PCLO: variants seen among roughly 807,000 people sequenced by gnomAD.
PCLO encodes the protein protein piccolo.
PCLO carries 82 observed loss-of-function variants against 427.5 expected under a neutral mutation model. The ratio of observed to expected loss-of-function variants is 0.19; its 90% CI spans 0.16 to 0.23. The LOEUF is 0.23. PCLO is among the 10% of genes least tolerant of loss of function. The pLI is 1.00. For missense variants in PCLO, 6,239 were observed against 6,115.9 expected (o/e 1.02, Z -0.67); for synonymous variants, 2,357 against 2,155.4 (o/e 1.09, Z -2.59).
chr7:82,766,166 A>C (rs1304543644), intron 22 of PCLO, among the ~76,000 whole-genome samples: 2 of 152,116 alleles, frequency 1.3e-5, no homozygotes, highest in African/African-American at 4.8e-5. Flanking sequence ...TAGCCCTAGG[A>C]AAAAATCAAA....
chr7:82,987,362 G>A (rs1796279769), intron 3 of PCLO, among the ~76,000 whole-genome samples: 1 of 151,898 alleles, frequency 6.6e-6, no homozygotes, highest in Admixed American at 6.6e-5. Flanking sequence ...CATACATAAT[G>A]TTTACCAAAA....
intron 9 of PCLO, among the ~76,000 whole-genome samples, chr7:82,894,134 ATAAT>A (rs1442801073): frequency 6.6e-6 from 1 of 151,194 alleles, no homozygotes; most frequent in Non-Finnish European, 1.5e-5. Context: ...TGCCAAAATC[ATAAT>A]TAAATAGATT....
At chr7:82,938,576 C>T (rs868562287) in intron 6 of PCLO, among the ~76,000 whole-genome samples, 1 of 151,744 alleles carries the variant, frequency 6.6e-6, no homozygotes, top group African/African-American at 2.4e-5. Context: ...TGAAAAAAGG[C>T]CTGATGACCA....
intron 6 of PCLO, among the ~76,000 whole-genome samples, chr7:82,922,161 T>C (rs1794610732): frequency 6.6e-6 from 1 of 152,000 alleles, no homozygotes; most frequent in African/African-American, 2.4e-5. Context: ...GTTCAGCCAC[T>C]GTGGAAAGCA....
At chr7:82,833,972 T>C (rs73710010) in intron 16 of PCLO, among the ~76,000 whole-genome samples, 2,185 of 152,140 alleles carry the variant, frequency 0.014, 49 homozygotes, top group African/African-American at 0.05. Context: ...ACCTCACTTA[T>C]TGGCTTCCAC....
intron 3 of PCLO, among the ~76,000 whole-genome samples, chr7:82,999,022 A>C (rs1459765352): frequency 3.3e-5 from 5 of 151,136 alleles, no homozygotes; most frequent in Non-Finnish European, 5.9e-5. Flanking sequence ...GATAAAAAAA[A>C]CACTGTAACA....
intron 20 of PCLO, among the ~76,000 whole-genome samples, chr7:82,816,784 T>C (rs1229271104): frequency 1.3e-5 from 2 of 152,070 alleles, no homozygotes; most frequent in African/African-American, 2.4e-5. Context: ...TAAATCCCCA[T>C]TGTGGACCAG....
intron 11 of PCLO, 65 bp downstream of exon 11, chr7:82,847,074 A>C: frequency 2.5e-6 from 2 of 805,170 alleles, no homozygotes; most frequent in Non-Finnish European, 4.1e-6. Context: ...CCACCTTAAC[A>C]ATTTTAAATT....
intron 6 of PCLO, among the ~76,000 whole-genome samples, chr7:82,926,765 C>T (rs1320255607): frequency 6.6e-6 from 1 of 152,116 alleles, no homozygotes. Context: ...CTGGAAAGTC[C>T]CAAAGAGATT....
At chr7:83,095,042 G>T (rs1790497563) in intron 3 of PCLO, among the ~76,000 whole-genome samples, 1 of 152,134 alleles carries the variant, frequency 6.6e-6, no homozygotes, top group African/African-American at 2.4e-5. Flanking sequence ...TAGGATTGGG[G>T]TTAATGCTTC....
At chr7:82,895,347 T>C (rs2189972) in intron 9 of PCLO, among the ~76,000 whole-genome samples, 34,745 of 151,790 alleles carry the variant, frequency 0.23, 4,809 homozygotes, top group East Asian at 0.61. Flanking sequence ...ATACATAGTT[T>C]TAAATGTCTA....
intron 3 of PCLO, among the ~76,000 whole-genome samples, chr7:83,117,700 G>T (rs1791169527): frequency 6.6e-6 from 1 of 152,150 alleles, no homozygotes; most frequent in South Asian, 2.1e-4. Flanking sequence ...AGGGACAAAG[G>T]GAAACAGATG....
chr7:82,795,183 G>A (rs1165071966), intron 22 of PCLO, among the ~76,000 whole-genome samples: 1 of 152,038 alleles, frequency 6.6e-6, no homozygotes, highest in Non-Finnish European at 1.5e-5. Flanking sequence ...GAAAATTATG[G>A]CAGAACTATT....
In PCLO at chr7:83,150,473, C is replaced by CAT. The variant is rs568369859; in HGVS notation, c.1893+4273_1893+4274dup. ...GTTAATTTAAAGGTGATCCTCTTCA[C>CAT]ATAGATGTTTGGGTTGCCTAAAGTG... On this transcript the variant is annotated intron_variant, in intron 2 of 24. Transcript: ENST00000333891. Among the ~76,000 whole-genome samples, 4 of 152,308 alleles carry CAT rather than the reference C, an allele frequency of 2.6e-5. No individual in the cohort carries two copies. In the South Asian group the frequency reaches 6.2e-4, roughly 24 times the overall value.
At chr7:83,091,612 G>A (rs571351350) in intron 3 of PCLO, among the ~76,000 whole-genome samples, 67 of 152,218 alleles carry the variant, frequency 4.4e-4, no homozygotes, top group African/African-American at 1.5e-3. Context: ...GGAAGGAATT[G>A]CTTCATAATT....
intron 3 of PCLO, among the ~76,000 whole-genome samples, chr7:83,096,831 A>AATATATT (rs1466262345): frequency 2.7e-5 from 1 of 36,586 alleles, no homozygotes; most frequent in Non-Finnish European, 4.6e-5. Context: ...ATATATAAAA[A>AATATATT]TATATTATAT....
At chr7:83,120,402 G>GAA (rs35143407) in intron 3 of PCLO, among the ~76,000 whole-genome samples, 9,866 of 80,692 alleles carry the variant, frequency 0.12, 1,482 homozygotes, top group African/African-American at 0.34. Flanking sequence ...CTCTGCCTCA[G>GAA]AAAAAAAAAA....
Position 82,986,892 on chromosome 7 carries a change from C to G in PCLO, c.3301-20405G>C, listed in dbSNP as rs377031796. Among the ~76,000 whole-genome samples the G allele has an allele frequency of 5.3e-5, 8 of 151,746 alleles. 1 individual carries two copies. The East Asian group carries it at 1.5e-3, about 29-fold the overall frequency. ...AATGAGTCTCATTCCATTAAATGAG[C>G]CTGTGACATTTCATAGAGGCAAATG... On this transcript the variant is annotated intron_variant, in intron 3 of 24. Coordinates refer to ENST00000333891, the MANE Select transcript of PCLO (RefSeq NM_033026.6).
In PCLO at chr7:82,966,045, A is replaced by G. The variant is rs61995907; in HGVS notation, c.3743T>C (p.Leu1248Pro). The change falls in exon 4 of 25, where the codon CTA (leucine) becomes CCA (proline). Residue 1248 changes from leucine to proline, a missense_variant. By Grantham distance (98) the Leu-to-Pro change is moderately conservative. Around this residue, in one of 5 missense-constraint regions of PCLO, gnomAD observed 4,677 missense variants for 4,468.4 expected, o/e 1.05. Coordinates refer to ENST00000333891, the MANE Select transcript of PCLO (RefSeq NM_033026.6). Reference sequence around the variant, plus strand: ...GGCTGATGTTTTTGCCTCTGGGAGTAGCTTTTTGTCTTCAGGGGTTGGCTT... The same window carrying G: ...GGCTGATGTTTTTGCCTCTGGGAGTGGCTTTTTGTCTTCAGGGGTTGGCTT... The part of the protein sequence containing the change: ...EKKPTPEDKK[L>P]LPEAKTSAPE... The G allele has an allele frequency of 1.5e-4, 240 of 1,613,368 alleles. 1 individual carries two copies. In the African/African-American group the frequency reaches 2.8e-3, roughly 19 times the overall value.
Sources: gnomAD v4.1 joint callset for allele counts (sites outside exome capture counted in the v4.1 genomes callset) on GRCh38, gnomAD v4.1.1 for gene constraint, gnomAD v4.1.1 regional missense constraint, MANE v1.5 for transcripts, NCBI Gene and HGNC (gene_info 2026-07-23, HGNC 2026-07-21) for gene names.